Variants in CD1B observed in about 807,000 individuals in gnomAD.
The protein encoded by CD1B is T-cell surface glycoprotein CD1b.
Under a neutral mutation model 39.8 loss-of-function variants are expected in CD1B, and 43 were observed. The ratio of observed to expected loss-of-function variants is 1.08; its 90% CI spans 0.85 to 1.39. CD1B has a LOEUF of 1.39. Among genes scored for constraint, CD1B ranks in the 40% most tolerant of loss-of-function variants. The pLI is 0.00. For missense variants in CD1B, 495 were observed against 403.8 expected (o/e 1.23, Z -1.94); for synonymous variants, 192 against 152.5 (o/e 1.26, Z -1.91).
At chr1:158,293,399 C>A in the CD1B span, 2 of 1,602,284 alleles carry the variant, frequency 1.2e-6, no homozygotes, top group Admixed American at 3.4e-5. Flanking sequence ...TCCACCTTAT[C>A]CTCAGTTACC....
chr1:158,325,049 G>C (rs755191987), downstream of CD1B, among the ~76,000 whole-genome samples: 1 of 151,882 alleles, frequency 6.6e-6, no homozygotes, highest in Non-Finnish European at 1.5e-5. Context: ...TCTTGAGAAC[G>C]GGCAAATAAA....
At chr1:158,309,997 G>C in the CD1B span, among the ~76,000 whole-genome samples, 1 of 146,802 alleles carries the variant, frequency 6.8e-6, no homozygotes, top group Non-Finnish European at 1.5e-5. Context: ...AAAAAAAAGA[G>C]TCTGAACACC....
the CD1B span, among the ~76,000 whole-genome samples, chr1:158,305,297 C>T: frequency 6.6e-6 from 1 of 152,034 alleles, no homozygotes; most frequent in African/African-American, 2.4e-5. Context: ...AATAACAAGC[C>T]TCAGTAGCCG....
At chr1:158,323,794 C>T (rs1435978495), downstream of CD1B, among the ~76,000 whole-genome samples, 1 of 152,072 alleles carries the variant, frequency 6.6e-6, no homozygotes, top group Non-Finnish European at 1.5e-5. Flanking sequence ...GGTGAAGACC[C>T]AAGGAGGGTG....
the CD1B span, chr1:158,293,773 C>T: frequency 3.5e-6 from 2 of 577,342 alleles, no homozygotes; most frequent in Non-Finnish European, 6.1e-6. Flanking sequence ...CACTTCCTAC[C>T]CTGTGTTGCA....
chr1:158,292,994 T>G, the CD1B span: 1 of 1,026,692 alleles, frequency 9.7e-7, no homozygotes. Flanking sequence ...ATAGGGTAAT[T>G]TAAAGAATAG....
At chr1:158,326,485 T>C (rs1021610502), downstream of CD1B, among the ~76,000 whole-genome samples, 2 of 152,210 alleles carry the variant, frequency 1.3e-5, no homozygotes, top group Non-Finnish European at 2.9e-5. Flanking sequence ...GCATGAATCT[T>C]ATTTTTATTC....
At chr1:158,291,127 C>A in the CD1B span, 7 of 1,610,746 alleles carry the variant, frequency 4.3e-6, no homozygotes, top group African/African-American at 5.4e-5. Context: ...CCTTCTTCCA[C>A]CAAAAGCATC....
chr1:158,326,319 T>C (rs1303800481), downstream of CD1B, among the ~76,000 whole-genome samples: 1 of 152,196 alleles, frequency 6.6e-6, no homozygotes, highest in Non-Finnish European at 1.5e-5. Flanking sequence ...AGGGGCATGT[T>C]AAATGACATT....
At chr1:158,320,695 T>A in the CD1B span, among the ~76,000 whole-genome samples, 1 of 152,050 alleles carries the variant, frequency 6.6e-6, no homozygotes, top group Non-Finnish European at 1.5e-5. Context: ...CTCCATAGGT[T>A]TTTGTGTGTT....
the CD1B span, among the ~76,000 whole-genome samples, chr1:158,318,875 TC>T: frequency 2.0e-5 from 3 of 152,234 alleles, no homozygotes; most frequent in Non-Finnish European, 4.4e-5. Flanking sequence ...ACAAAATCTT[TC>T]AGCATTTGCT....
At chr1:158,329,219 A>G in intron 4 of CD1B, 151 bp downstream of exon 4, 2 of 1,104,902 alleles carry the variant, frequency 1.8e-6, no homozygotes, top group Admixed American at 2.8e-5. Flanking sequence ...TGGATTATCT[A>G]TTTTTACTCC....
chr1:158,288,528 A>T, the CD1B span, among the ~76,000 whole-genome samples: 1 of 152,126 alleles, frequency 6.6e-6, no homozygotes, highest in Non-Finnish European at 1.5e-5. Flanking sequence ...TTTAGCTGGG[A>T]CTACAGGCAT....
chr1:158,323,693 T>C (rs962875736), downstream of CD1B, among the ~76,000 whole-genome samples: 1 of 152,238 alleles, frequency 6.6e-6, no homozygotes, highest in African/African-American at 2.4e-5. Flanking sequence ...GCTGCAGCCA[T>C]TTCAGCACTA....
chr1:158,330,409 G>A, intron 2 of CD1B: 1 of 566,760 alleles, frequency 1.8e-6, no homozygotes, highest in Non-Finnish European at 3.1e-6. Context: ...GCATTCCAGA[G>A]TGAGTGGAGG....
At position 158,328,171 on chromosome 1, in the gene CD1B, T is replaced by C; in HGVS notation, c.*65A>G. 1 of 1,222,728 alleles carries C rather than the reference T, an allele frequency of 8.2e-7. No homozygotes were observed. The highest frequency in any genetic ancestry group is 1.2e-6 in the Non-Finnish European group (1 of 836,796). 75.7% of individuals were successfully genotyped at this position (1,222,728 alleles called of 1,614,324 possible). On this transcript the variant is annotated 3_prime_UTR_variant, in exon 6 of 6. Coordinates refer to ENST00000368168, the MANE Select transcript of CD1B (RefSeq NM_001764.3). ...TCATTTGAAATATGATAAGATTGAC[T>C]TTTGGGCTGATATCTTGGGCTTCTT...
At chr1:158,301,040 G>A in the CD1B span, among the ~76,000 whole-genome samples, 7 of 151,982 alleles carry the variant, frequency 4.6e-5, no homozygotes, top group African/African-American at 1.4e-4. Flanking sequence ...TTACAGGTGT[G>A]AGCCACCGTG....
At chr1:158,321,239 C>G in the CD1B span, among the ~76,000 whole-genome samples, 2 of 152,022 alleles carry the variant, frequency 1.3e-5, no homozygotes, top group African/African-American at 4.8e-5. Context: ...TGTATTTACC[C>G]CTGTATCAGT....
chr1:158,304,256 T>C, the CD1B span, among the ~76,000 whole-genome samples: 2 of 152,134 alleles, frequency 1.3e-5, no homozygotes, highest in Non-Finnish European at 2.9e-5. Context: ...ACTGTGCTTT[T>C]CCAATGGTCT....
Sources: allele counts gnomAD v4.1 joint callset (sites outside exome capture counted in the v4.1 genomes callset), GRCh38; gene constraint gnomAD v4.1.1; transcripts MANE v1.5; gene names NCBI Gene and HGNC (gene_info 2026-07-23, HGNC 2026-07-21).